The following DLGAP1 variants were observed in gnomAD, a reference collection of about 807,000 sequenced individuals.
The protein encoded by DLGAP1 is DLG associated protein 1, also known as disks large-associated protein 1.
Under a neutral mutation model 90.8 loss-of-function variants are expected in DLGAP1, and 11 were observed. The observed-to-expected ratio is 0.12, with a 90% confidence interval of 0.08 to 0.20. The LOEUF is 0.20. Ranked by LOEUF, DLGAP1 falls within the 10% of genes least tolerant of loss-of-function variation. The pLI is 1.00. For missense variants in DLGAP1, 1,050 were observed against 1,333.8 expected (o/e 0.79, Z 3.31); for synonymous variants, 558 against 540.7 (o/e 1.03, Z -0.44).
In DLGAP1 at chr18:3,501,912, T is replaced by C. The variant is rs1042537254; in HGVS notation, c.2724+581A>G. ...TGCATGAGGACCCCAGTGAGCAATA[T>C]TCCCCAAGGCAAATCAACCAAAAGC... On this transcript the variant is annotated intron_variant, in intron 12 of 12. Coordinates refer to ENST00000315677, the MANE Select transcript of DLGAP1 (RefSeq NM_004746.4). Among the ~76,000 whole-genome samples the C allele has an allele frequency of 2.0e-4, 29 of 144,726 alleles. 1 individual carries two copies. The highest frequency in any genetic ancestry group is 7.3e-4 in the African/African-American group (28 of 38,490). The allele number at this position is 144,726 out of a possible 152,430, so 94.9% of individuals were successfully genotyped here.
chr18:3,635,675 C>A (rs1194556213), intron 7 of DLGAP1, among the ~76,000 whole-genome samples: 1 of 151,538 alleles, frequency 6.6e-6, no homozygotes, highest in Non-Finnish European at 1.5e-5. Flanking sequence ...TAACCCAATT[C>A]TCTCTTGGAA....
chr18:4,450,403 G>C (rs1340695766), intron 1 of DLGAP1, among the ~76,000 whole-genome samples: 2 of 152,178 alleles, frequency 1.3e-5, no homozygotes, highest in Admixed American at 1.3e-4. Context: ...AGTTACTCTA[G>C]CAGATGTTTT....
At chr18:3,984,993 C>G (rs1289992229) in intron 3 of DLGAP1, among the ~76,000 whole-genome samples, 2 of 152,152 alleles carry the variant, frequency 1.3e-5, no homozygotes, top group Non-Finnish European at 2.9e-5. Context: ...TATTTCCACC[C>G]TCATTGTTTT....
chr18:3,814,325 C>A (rs981545850), intron 4 of DLGAP1, 52 bp from the exon 5 acceptor site: 362 of 1,270,732 alleles, frequency 2.8e-4, no homozygotes, highest in Non-Finnish European at 3.6e-4. Flanking sequence ...CTACCTTTTT[C>A]TTTTCTTTTT....
chr18:3,949,194 CCTTACCAAAGGGCTCA>C (rs1383320771), intron 3 of DLGAP1, among the ~76,000 whole-genome samples: 3 of 152,112 alleles, frequency 2.0e-5, no homozygotes, highest in Non-Finnish European at 4.4e-5. Context: ...TCTTTCTTGC[CCTTACCAAAGGGCTCA>C]CTGCAAACTG....
intron 7 of DLGAP1, among the ~76,000 whole-genome samples, chr18:3,674,378 G>A (rs1281655146): frequency 1.3e-5 from 2 of 150,590 alleles, no homozygotes; most frequent in Non-Finnish European, 3.0e-5. Context: ...CAGCACTTTG[G>A]GAGGCTGCGG....
rs183394298 is a variant in DLGAP1, at chr18:3,901,369, C to T, written c.-72-21229G>A. 1.2e-3 allele frequency among the ~76,000 whole-genome samples: 180 copies of T among 152,292 alleles called. 1 individual carries two copies. Among genetic ancestry groups the T allele is most frequent in the Admixed American group, 0.011 (169 of 15,294 alleles). On this transcript the variant is annotated intron_variant, in intron 3 of 12. Coordinates refer to ENST00000315677, the MANE Select transcript of DLGAP1 (RefSeq NM_004746.4). ...ATTTCCTTCCTTCTCATCCTCTCTT[C>T]TCCCACTGTGGGGTGACCACGGTTA...
intron 9 of DLGAP1, among the ~76,000 whole-genome samples, chr18:3,550,734 C>CCT (rs2053345624): frequency 1.8e-4 from 15 of 85,200 alleles, no homozygotes; most frequent in African/African-American, 4.5e-4. Context: ...GAACCAGACC[C>CCT]TTTTTTTTTT....
intron 6 of DLGAP1, among the ~76,000 whole-genome samples, chr18:3,741,115 C>T (rs371581998): frequency 0.15 from 13,633 of 90,966 alleles, 148 homozygotes; most frequent in Non-Finnish European, 0.18. Context: ...ACCATCACCA[C>T]CACCATCACC....
chr18:3,951,480 A>G (rs28384284), intron 3 of DLGAP1, among the ~76,000 whole-genome samples: 105,790 of 152,130 alleles, frequency 0.7, 37,101 homozygotes, highest in African/African-American at 0.78. Flanking sequence ...TGATTTATTT[A>G]TTTATTGATT....
chr18:4,276,078 T>A (rs559638796), intron 1 of DLGAP1, among the ~76,000 whole-genome samples: 1 of 150,670 alleles, frequency 6.6e-6, no homozygotes, highest in East Asian at 2.0e-4. Flanking sequence ...GGAAAAGACC[T>A]TATGGGCTGA....
At chr18:4,121,732 GC>G (rs776468341) in intron 2 of DLGAP1, among the ~76,000 whole-genome samples, 1 of 152,074 alleles carries the variant, frequency 6.6e-6, no homozygotes, top group East Asian at 1.9e-4. Context: ...AGACCCTGTT[GC>G]AGTGGTCCCT....
At chr18:3,949,393 G>T (rs2072939395) in intron 3 of DLGAP1, among the ~76,000 whole-genome samples, 1 of 152,180 alleles carries the variant, frequency 6.6e-6, no homozygotes, top group Non-Finnish European at 1.5e-5. Context: ...GGCTTCAGTG[G>T]TCTCAGGACC....
At chr18:4,056,552 C>T (rs1379247475) in intron 2 of DLGAP1, among the ~76,000 whole-genome samples, 2 of 152,138 alleles carry the variant, frequency 1.3e-5, no homozygotes, top group Admixed American at 6.5e-5. Flanking sequence ...TTGGATAGTA[C>T]AATTCCAAAG....
intron 7 of DLGAP1, among the ~76,000 whole-genome samples, chr18:3,599,892 C>T (rs1028144953): frequency 2.0e-5 from 3 of 151,758 alleles, no homozygotes; most frequent in South Asian, 4.1e-4. Flanking sequence ...GTTGGGATTA[C>T]AGGCGTGAGC....
chr18:3,514,823 T>C (rs1030201454), intron 10 of DLGAP1, among the ~76,000 whole-genome samples: 1 of 152,216 alleles, frequency 6.6e-6, no homozygotes, highest in Non-Finnish European at 1.5e-5. Context: ...CTTGCCTCGA[T>C]GTGGATGGCT....
At chr18:4,008,859 A>C (rs1426215835) in intron 2 of DLGAP1, among the ~76,000 whole-genome samples, 2 of 152,218 alleles carry the variant, frequency 1.3e-5, no homozygotes, top group African/African-American at 2.4e-5. Context: ...GCTGCTGCTG[A>C]TGAAGCCTTG....
chr18:3,879,963 G>C lies in DLGAP1; in HGVS notation c.106C>G (p.Pro36Ala), dbSNP rs776186166. The C allele has an allele frequency of 1.2e-6, 2 of 1,612,874 alleles. No individual in the cohort carries two copies. The highest frequency in any genetic ancestry group is 1.7e-6 in the Non-Finnish European group (2 of 1,179,984). Residue 36 changes from proline to alanine, a missense_variant, in exon 4 of 13, where the codon CCA (proline) becomes GCA (alanine). Physicochemically the swap from Pro to Ala is conservative, Grantham distance 27. Transcript: ENST00000315677. This position sits in a 1 kb window ranked among gnomAD's most constrained non-coding sequence, Gnocchi z 6.6. ...HSDRKPYLLS[P>A]VEHHPADHPY... ...TGGTCTGCGGGGTGGTGCTCCACTG[G>C]GCTCAGCAGGTAGGGCTTGCGGTCG...
intron 6 of DLGAP1, among the ~76,000 whole-genome samples, chr18:3,732,928 T>C (rs1363033185): frequency 6.6e-6 from 1 of 152,194 alleles, no homozygotes; most frequent in African/African-American, 2.4e-5. Flanking sequence ...TGAGAAGAAC[T>C]AGGATATAAA....
Sources: gnomAD v4.1 joint callset for allele counts (sites outside exome capture counted in the v4.1 genomes callset) on GRCh38, gnomAD v4.1.1 for gene constraint, Gnocchi (gnomAD v3.1) non-coding constraint, MANE v1.5 for transcripts, NCBI Gene and HGNC (gene_info 2026-07-23, HGNC 2026-07-21) for gene names.